HBS1L: variants seen among roughly 807,000 people sequenced by gnomAD.
HBS1L encodes the protein HBS1 like translational GTPase.
HBS1L carries 55 observed loss-of-function variants against 88.9 expected under a neutral mutation model. The observed-to-expected ratio is 0.62, with a 90% CI of 0.50 to 0.77. The LOEUF is 0.77. Among genes scored for constraint, HBS1L ranks in the 30% least tolerant of loss-of-function variants. HBS1L has a pLI of 0.00. For synonymous variants in HBS1L, 267 were observed against 288.5 expected (o/e 0.93, Z 0.76); for missense variants, 741 against 829.3 (o/e 0.89, Z 1.31).
intron 13 of HBS1L, among the ~76,000 whole-genome samples, chr6:134,981,237 T>C (rs1282749432): frequency 6.6e-6 from 1 of 151,986 alleles, no homozygotes; most frequent in Non-Finnish European, 1.5e-5. Context: ...AAATCGTGTT[T>C]CAAAAGTATT....
chr6:134,980,652 C>T (rs887290712), intron 13 of HBS1L, among the ~76,000 whole-genome samples: 1 of 151,748 alleles, frequency 6.6e-6, no homozygotes, highest in African/African-American at 2.4e-5. Context: ...AATCATGTTA[C>T]ACTGTTCCAC....
intron 15 of HBS1L, among the ~76,000 whole-genome samples, chr6:134,975,546 T>A (rs75061448): frequency 1.3e-5 from 2 of 152,054 alleles, no homozygotes; most frequent in East Asian, 1.9e-4. Flanking sequence ...ATGGTACTAG[T>A]ATAAAGGTAG....
Position 134,962,189 on chromosome 6 carries a change from T to C in HBS1L, c.*3090A>G, listed in dbSNP as rs537907528. 1 of 152,206 alleles carries C rather than the reference T, an allele frequency of 6.6e-6. No individual in the cohort carries two copies. Among genetic ancestry groups the C allele is most frequent in the Non-Finnish European group, 1.5e-5 (1 of 68,046 alleles). The allele number at this position is 152,206 out of a possible 1,614,324, so 9.4% of individuals were successfully genotyped here. A position where few individuals can be genotyped will look rare whatever the true frequency, so the allele number is the denominator to read the frequency against. On this transcript the variant is annotated 3_prime_UTR_variant, in exon 18 of 18. Transcript: ENST00000367837. ...TTGTCTTGATTTTTTGAAAACTGTA[T>C]AATTTTGAATAACTTCTATATATCA...
In HBS1L at chr6:134,987,788, C is replaced by T; in HGVS notation, c.1087G>A (p.Asp363Asn). 2 of 1,581,456 alleles carry T rather than the reference C, an allele frequency of 1.3e-6. No individual in the cohort carries two copies. The highest frequency in any genetic ancestry group is 1.2e-5 in the South Asian group (1 of 85,362). Residue 363 changes from aspartate (D) to asparagine (N), a missense_variant, in exon 9 of 18, where the codon GAT (aspartate) becomes AAT (asparagine). Physicochemically the swap from Asp to Asn is conservative, Grantham distance 23. This residue lies in a region of HBS1L where 556 missense variants were observed against 598.4 expected (regional missense o/e 0.93). Transcript: ENST00000367837. ...PNMITGAAQADVAVLVVDASR... is the reference protein window; with the variant it reads ...PNMITGAAQANVAVLVVDASR... The stretch of plus-strand genomic sequence containing the variant: ...GCATCTACAACTAAAACAGCTACAT[C>T]CGCCTAAAGAAGAAAAATAATCGAA...
chr6:134,998,136 T>A (rs1775344188), intron 5 of HBS1L, among the ~76,000 whole-genome samples: 1 of 152,226 alleles, frequency 6.6e-6, no homozygotes, highest in South Asian at 2.1e-4. Context: ...TGACTACAGT[T>A]CATAAACATT....
intron 4 of HBS1L, among the ~76,000 whole-genome samples, chr6:135,029,181 G>C (rs1040844471): frequency 6.6e-6 from 1 of 151,976 alleles, no homozygotes; most frequent in Non-Finnish European, 1.5e-5. Context: ...TTATCTTGTA[G>C]TGGAGCATAA....
chr6:135,048,985 G>C (rs1776997081), intron 2 of HBS1L, among the ~76,000 whole-genome samples: 1 of 152,178 alleles, frequency 6.6e-6, no homozygotes, highest in East Asian at 1.9e-4. Context: ...AATTATAAAA[G>C]TCAGAAGGGG....
rs918884743 is a variant in HBS1L, at chr6:135,041,381, C to CTTAT, written c.235+616_235+619dup. ...TTTTTTATTTATTTATTTATTTATA[C>CTTAT]TTATTTATTTATTTATACTTATAAA... is the stretch of plus-strand genomic sequence containing the variant. On this transcript the variant is annotated intron_variant, in intron 3 of 17. Transcript: ENST00000367837. Among the ~76,000 whole-genome samples, 138 of 151,066 alleles carry CTTAT rather than the reference C, an allele frequency of 9.1e-4. 1 individual carries two copies. Among genetic ancestry groups the CTTAT allele is most frequent in the African/African-American group, 3.2e-3 (133 of 41,408 alleles).
intron 4 of HBS1L, among the ~76,000 whole-genome samples, chr6:135,019,800 G>C (rs558403143): frequency 6.6e-6 from 1 of 151,954 alleles, no homozygotes; most frequent in Non-Finnish European, 1.5e-5. Context: ...GATGGCTTAA[G>C]AAGACTTAGT....
intron 4 of HBS1L, among the ~76,000 whole-genome samples, chr6:135,030,991 T>C (rs773988717): frequency 2.0e-5 from 3 of 152,152 alleles, no homozygotes; most frequent in Non-Finnish European, 4.4e-5. Context: ...TAAACAAATG[T>C]CCTTTTCATG....
chr6:135,018,756 T>C (rs568055197), intron 4 of HBS1L, among the ~76,000 whole-genome samples: 1 of 151,964 alleles, frequency 6.6e-6, no homozygotes, highest in Non-Finnish European at 1.5e-5. Context: ...GAAAACAGTA[T>C]ACAACCTTCA....
intron 4 of HBS1L, among the ~76,000 whole-genome samples, chr6:135,004,939 G>A (rs1454227533): frequency 6.6e-6 from 1 of 152,168 alleles, no homozygotes; most frequent in African/African-American, 2.4e-5. Context: ...AAGAACTCTA[G>A]CATTTAATGC....
Position 135,035,963 on chromosome 6 carries a change from A to G in HBS1L, c.430+3610T>C, listed in dbSNP as rs1035980404. ...ATATTAATCCAACTTCTATATTTAC[A>G]TGGTCCCTTAAAAGATTTTCATTTT... On this transcript the variant is annotated intron_variant, in intron 4 of 17. Coordinates refer to ENST00000367837, the MANE Select transcript of HBS1L (RefSeq NM_006620.4). The G allele has an allele frequency of 1.1e-4, 66 of 607,564 alleles. 1 individual carries two copies. In the African/African-American group the frequency reaches 1.3e-3, roughly 12 times the overall value. 37.6% of individuals were successfully genotyped at this position (607,564 alleles called of 1,614,324 possible).
intron 16 of HBS1L, 100 bp downstream of exon 16, chr6:134,969,138 G>A: frequency 1.4e-6 from 1 of 724,750 alleles, no homozygotes; most frequent in Non-Finnish European, 2.4e-6. Context: ...AAGTAAAAAT[G>A]GGTTTCACTT....
chr6:135,027,548 AGATAT>A (rs1263559708), intron 4 of HBS1L, among the ~76,000 whole-genome samples: 1 of 152,190 alleles, frequency 6.6e-6, no homozygotes, highest in African/African-American at 2.4e-5. Flanking sequence ...TAGGAAAGTA[AGATAT>A]AATTAAATAA....
chr6:134,999,452 T>C (rs9494130), intron 5 of HBS1L, among the ~76,000 whole-genome samples: 2,594 of 145,236 alleles, frequency 0.018, 84 homozygotes, highest in African/African-American at 0.061. Context: ...TCTTTTCTTT[T>C]TTTTTTTTTT....
intron 4 of HBS1L, chr6:135,036,444 T>A: frequency 7.3e-7 from 1 of 1,369,580 alleles, no homozygotes; most frequent in Non-Finnish European, 9.4e-7. Flanking sequence ...TCAACTGACC[T>A]ACGACAATTT....
chr6:135,032,488 ATC>A (rs959489974), intron 4 of HBS1L, among the ~76,000 whole-genome samples: 5 of 152,244 alleles, frequency 3.3e-5, no homozygotes, highest in Admixed American at 3.3e-4. Context: ...TTTATATATA[ATC>A]TGTTTATATA....
chr6:135,043,828 A>G (rs1776828284), intron 2 of HBS1L, among the ~76,000 whole-genome samples: 1 of 152,212 alleles, frequency 6.6e-6, no homozygotes, highest in South Asian at 2.1e-4. Flanking sequence ...GTTTCCTTAA[A>G]ACAAATTAGC....
Sources: gnomAD v4.1 joint callset for allele counts (sites outside exome capture counted in the v4.1 genomes callset) on GRCh38, gnomAD v4.1.1 for gene constraint, gnomAD v4.1.1 regional missense constraint, MANE v1.5 for transcripts, NCBI Gene and HGNC (gene_info 2026-07-23, HGNC 2026-07-21) for gene names.